The following PIWIL2 variants were observed in gnomAD, a reference collection of about 807,000 sequenced individuals.
PIWIL2 encodes piwi like RNA-mediated gene silencing 2.
Under a neutral mutation model 116.5 loss-of-function variants are expected in PIWIL2, and 81 were observed. The ratio of observed to expected loss-of-function variants is 0.70; its 90% confidence interval spans 0.58 to 0.84. PIWIL2 has a LOEUF of 0.84. Ranked by LOEUF, PIWIL2 falls within the 40% of genes least tolerant of loss-of-function variation. The probability of loss-of-function intolerance (pLI) is 0.00; values close to 1 mark genes in which losing one functional copy is unlikely to be tolerated. For synonymous variants in PIWIL2, 489 were observed against 429.5 expected, an observed-to-expected ratio of 1.14 and a Z score of -1.71; for missense variants, 1,272 against 1,212.3, an observed-to-expected ratio of 1.05 and a Z score of -0.73.
At chr8:22,290,964 G>A (rs868341031) in intron 10 of PIWIL2, among the ~76,000 whole-genome samples, 85 of 149,030 alleles carry the variant, frequency 5.7e-4, no homozygotes, top group African/African-American at 1.9e-3. Flanking sequence ...AAATACAGAT[G>A]TGTATATATA....
At chr8:22,345,670 A>C (rs1056940710) in intron 20 of PIWIL2, among the ~76,000 whole-genome samples, 2 of 152,126 alleles carry the variant, frequency 1.3e-5, no homozygotes, top group African/African-American at 2.4e-5. Flanking sequence ...TCTCAAAAAT[A>C]TAATGAAATA....
chr8:22,329,122 A>G (rs1831799903), intron 20 of PIWIL2, among the ~76,000 whole-genome samples: 1 of 152,022 alleles, frequency 6.6e-6, no homozygotes, highest in Non-Finnish European at 1.5e-5. Flanking sequence ...TTCCTTTATC[A>G]TGTTAAGAAA....
intron 20 of PIWIL2, among the ~76,000 whole-genome samples, chr8:22,335,877 T>C (rs572044167): frequency 6.6e-6 from 1 of 152,148 alleles, no homozygotes; most frequent in Non-Finnish European, 1.5e-5. Context: ...AACAGACTTT[T>C]AGATAACACT....
rs138003472 is a variant in PIWIL2 at position 22,319,860 on chromosome 8, C to G, written c.2403+1585C>G. ...GCTGCATTCTAATTGTCCAAGGAGT[C>G]ACAAAGTCCCACCCAGCTTTGAGGG... is the stretch of plus-strand genomic sequence containing the variant. On this transcript the variant is annotated intron_variant, in intron 20 of 22. Transcript: ENST00000356766. Among the ~76,000 whole-genome samples the G allele has an allele frequency of 5.6e-4, 85 of 152,314 alleles. 2 individuals carry two copies. The East Asian group carries it at 0.013, about 24-fold the overall frequency.
intron 13 of PIWIL2, among the ~76,000 whole-genome samples, chr8:22,307,125 T>G (rs956399978): frequency 1.3e-5 from 2 of 152,254 alleles, no homozygotes; most frequent in African/African-American, 4.8e-5. Flanking sequence ...TCTGTTTTGT[T>G]TGGCTGGATG....
At chr8:22,314,831 A>ATGTG (rs536104435) in intron 17 of PIWIL2, among the ~76,000 whole-genome samples, 198 bp from the exon 18 acceptor site, 3 of 150,690 alleles carry the variant, frequency 2.0e-5, no homozygotes, top group Non-Finnish European at 3.0e-5. Context: ...GTGTGTGTGT[A>ATGTG]TGTGTGTGTG....
Position 22,311,581 on chromosome 8 carries a change from ATGT to A in PIWIL2, c.1989+285_1989+287del, listed in dbSNP as rs1300581976. 2.6e-5 allele frequency among the ~76,000 whole-genome samples: 4 copies of A among 152,308 alleles called. No individual in the cohort carries two copies. The East Asian group carries it at 5.8e-4, about 22-fold the overall frequency. ...AACTGTGGTTCATTATCTATAGAAC[ATGT>A]TGTGCTCAGAAAGCAGCAGCTTGGG... On this transcript the variant is annotated intron_variant, in intron 16 of 22. Coordinates refer to ENST00000356766, the MANE Select transcript of PIWIL2 (RefSeq NM_018068.5).
At chr8:22,311,584 T>A (rs1831332360) in intron 16 of PIWIL2, among the ~76,000 whole-genome samples, 1 of 152,228 alleles carries the variant, frequency 6.6e-6, no homozygotes, top group South Asian at 2.1e-4. Flanking sequence ...ATAGAACATG[T>A]TGTGCTCAGA....
intron 20 of PIWIL2, among the ~76,000 whole-genome samples, chr8:22,341,960 A>G (rs1168770235): frequency 2.0e-5 from 3 of 150,726 alleles, no homozygotes; most frequent in African/African-American, 7.4e-5. Context: ...ACACAGTTGT[A>G]CAAAAGTCTA....
In PIWIL2 at chr8:22,287,010, A is replaced by G. The variant is rs547095559; in HGVS notation, c.744-518A>G. 2.0e-5 allele frequency among the ~76,000 whole-genome samples: 3 copies of G among 152,106 alleles called. No homozygotes were observed. In the South Asian group the frequency reaches 6.2e-4, roughly 32 times the overall value. On this transcript the variant is annotated intron_variant, in intron 6 of 22. Coordinates refer to ENST00000356766, the MANE Select transcript of PIWIL2 (RefSeq NM_018068.5). Reference sequence around the variant, plus strand: ...TGAGGCAGAAGGATCACTTGAGCCCAGGAGTTTGAGATGGCAGTGAGCTAT... The same window carrying G: ...TGAGGCAGAAGGATCACTTGAGCCCGGGAGTTTGAGATGGCAGTGAGCTAT...
chr8:22,357,483 T>C lies in PIWIL2; in HGVS notation c.*1978T>C, dbSNP rs1022568917. The C allele has an allele frequency of 3.9e-5, 6 of 152,230 alleles. No individual in the cohort carries two copies. Among genetic ancestry groups the C allele is most frequent in the Admixed American group, 3.9e-4 (6 of 15,284 alleles). 9.4% of individuals were successfully genotyped at this position (152,230 alleles called of 1,614,324 possible). ...ATAATACAAAAATTTCTTCACTTTTTATTCTTGGTTTTCTTGCCTCGTTTT... is the reference window on the plus strand; with the variant it reads ...ATAATACAAAAATTTCTTCACTTTTCATTCTTGGTTTTCTTGCCTCGTTTT... On this transcript the variant is annotated 3_prime_UTR_variant, in exon 23 of 23. Transcript: ENST00000356766.
At position 22,284,269 on chromosome 8, in the gene PIWIL2, T is replaced by C; in HGVS notation, c.740T>C (p.Phe247Ser). ...NEAVYQYHVTFSPNVECKSMR... is the reference protein window; with the variant it reads ...NEAVYQYHVTSSPNVECKSMR... ...GCAGTTTATCAATATCATGTGACTT[T>C]CAGGTATTCACAGCTTTCCTTTGTA... Residue 247 changes from phenylalanine to serine, a missense_variant, in exon 6 of 23, where the codon TTC becomes TCC. Phe to Ser is a radical substitution (Grantham distance 155). Coordinates refer to ENST00000356766, the MANE Select transcript of PIWIL2 (RefSeq NM_018068.5). 1 of 1,512,190 alleles carries C rather than the reference T, an allele frequency of 6.6e-7. No individual in the cohort carries two copies. Among genetic ancestry groups the C allele is most frequent in the Non-Finnish European group, 9.1e-7 (1 of 1,099,102 alleles). 93.7% of individuals were successfully genotyped at this position (1,512,190 alleles called of 1,614,324 possible).
chr8:22,353,722 C>T (rs1832425593), intron 21 of PIWIL2, among the ~76,000 whole-genome samples: 1 of 142,440 alleles, frequency 7.0e-6, no homozygotes, highest in East Asian at 2.3e-4. Flanking sequence ...GCTAAGATAG[C>T]GTATGCTTAA....
intron 1 of PIWIL2, among the ~76,000 whole-genome samples, chr8:22,277,468 A>C (rs954418803): frequency 3.9e-5 from 6 of 152,234 alleles, no homozygotes; most frequent in African/African-American, 1.2e-4. Context: ...GGCTCAAAGC[A>C]GAAAGACTGT....
intron 2 of PIWIL2, among the ~76,000 whole-genome samples, chr8:22,279,952 A>G (rs1403362183): frequency 3.9e-5 from 6 of 152,202 alleles, no homozygotes; most frequent in African/African-American, 1.2e-4. Flanking sequence ...GCGAGACTCC[A>G]TCTCAAACAA....
intron 8 of PIWIL2, among the ~76,000 whole-genome samples, chr8:22,289,214 G>A (rs1830700529): frequency 6.7e-6 from 1 of 148,722 alleles, no homozygotes; most frequent in Non-Finnish European, 1.5e-5. Context: ...GTGCAGTGGC[G>A]CAATCCCGGC....
At chr8:22,348,291 C>G (rs896973164) in intron 20 of PIWIL2, among the ~76,000 whole-genome samples, 4 of 151,998 alleles carry the variant, frequency 2.6e-5, no homozygotes, top group African/African-American at 9.7e-5. Context: ...CTGAGCGAGA[C>G]TCCATCTCAA....
rs562970643 is a variant in PIWIL2, at chr8:22,351,536, G to T, written c.2404-1423G>T. Among the ~76,000 whole-genome samples, 967 of 102,558 alleles carry T rather than the reference G, an allele frequency of 9.4e-3. 14 individuals carry two copies. Among genetic ancestry groups the T allele is most frequent in the African/African-American group, 0.031 (907 of 28,820 alleles). 67.3% of individuals were successfully genotyped at this position (102,558 alleles called of 152,430 possible). On this transcript the variant is annotated intron_variant, in intron 20 of 22. Coordinates refer to ENST00000356766, the MANE Select transcript of PIWIL2 (RefSeq NM_018068.5). ...TAGGTTTTTTTGGTGTTTTTTTTTT[G>T]TTTTTTTGTTTTTTGTTTTGAGACG...
chr8:22,306,258 G>C (rs115736457), intron 13 of PIWIL2, among the ~76,000 whole-genome samples: 1,702 of 152,248 alleles, frequency 0.011, 31 homozygotes, highest in African/African-American at 0.039. Context: ...ACAGTAGAGG[G>C]ACTGGATTAT....
Sources: gnomAD v4.1 joint callset for allele counts (sites outside exome capture counted in the v4.1 genomes callset) on GRCh38, gnomAD v4.1.1 for gene constraint, MANE v1.5 for transcripts, NCBI Gene and HGNC (gene_info 2026-07-23, HGNC 2026-07-21) for gene names.